The following HMX1 variants were observed in gnomAD, a reference collection of about 807,000 sequenced individuals.
HMX1 encodes H6 family homeobox 1, also known as homeobox protein HMX1.
Under a neutral mutation model 8.9 loss-of-function variants are expected in HMX1, and 8 were observed. The ratio of observed to expected loss-of-function variants is 0.90; its 90% CI spans 0.53 to 1.63. The LOEUF (loss-of-function observed/expected upper bound fraction) is 1.63, where lower values mean the gene tolerates loss of function less well. Ranked by LOEUF, HMX1 falls within the 40% of genes most tolerant of loss-of-function variation. The probability of loss-of-function intolerance (pLI) is 0.00; values close to 1 mark genes in which losing one functional copy is unlikely to be tolerated. For missense variants in HMX1, 621 were observed against 558.5 expected, an observed-to-expected ratio of 1.11 and a Z score of -1.13; for synonymous variants, 311 against 283.4, an observed-to-expected ratio of 1.10 and a Z score of -0.98.
intron 1 of HMX1, among the ~76,000 whole-genome samples, chr4:8,852,259 T>C (rs990271202): frequency 1.3e-5 from 2 of 152,248 alleles, no homozygotes; most frequent in African/African-American, 4.8e-5. Context: ...AGACATCCAG[T>C]GAACGCGGCT....
intron 1 of HMX1, among the ~76,000 whole-genome samples, chr4:8,859,680 G>A (rs1234923307): frequency 6.6e-6 from 1 of 152,336 alleles, no homozygotes; most frequent in Non-Finnish European, 1.5e-5. Flanking sequence ...TGGGGACAGA[G>A]TCTCTGCCTT....
At chr4:8,854,608 G>A (rs1404175421) in intron 1 of HMX1, among the ~76,000 whole-genome samples, 2 of 152,184 alleles carry the variant, frequency 1.3e-5, no homozygotes, top group Non-Finnish European at 2.9e-5. Context: ...TGAACTCCCA[G>A]CCTGCCAACC....
At chr4:8,869,190 G>A (rs1722130095) in intron 1 of HMX1, among the ~76,000 whole-genome samples, 1 of 152,200 alleles carries the variant, frequency 6.6e-6, no homozygotes, top group Non-Finnish European at 1.5e-5. Context: ...CGGTGTCTGA[G>A]TTCATGTTCC....
rs1028467386 is a variant in HMX1, at chr4:8,848,864, C to A, written c.395-2540G>T. Among the ~76,000 whole-genome samples, 3 of 152,192 alleles carry A rather than the reference C, an allele frequency of 2.0e-5. No individual in the cohort carries two copies. Among genetic ancestry groups the A allele is most frequent in the African/African-American group, 7.2e-5 (3 of 41,456 alleles). ...AGGGCCTGGAGTCCCTGACACTTGGCCATCTGTGCACCGTGCTCAAAGCCT... is the reference window on the plus strand; with the variant it reads ...AGGGCCTGGAGTCCCTGACACTTGGACATCTGTGCACCGTGCTCAAAGCCT... On this transcript the variant is annotated intron_variant, in intron 1 of 1. Transcript: ENST00000506970. This position sits in a 1 kb window ranked among gnomAD's most constrained non-coding sequence, Gnocchi z 4.1.
At chr4:8,861,625 G>A (rs899714063) in intron 1 of HMX1, among the ~76,000 whole-genome samples, 18 of 152,126 alleles carry the variant, frequency 1.2e-4, no homozygotes, top group African/African-American at 3.4e-4. Context: ...GGGCACGGCC[G>A]AGGCTGCGCT....
At position 8,853,489 on chromosome 4, in the gene HMX1, G is replaced by A. The variant is rs948787333; in HGVS notation, c.395-7165C>T. Among the ~76,000 whole-genome samples, 7 of 152,208 alleles carry A rather than the reference G, an allele frequency of 4.6e-5. No individual in the cohort carries two copies. Among genetic ancestry groups the A allele is most frequent in the Admixed American group, 4.6e-4 (7 of 15,276 alleles). Reference sequence around the variant, plus strand: ...GTGACCGGGCTGAGCTGCAAGGGAGGCTGGGAAATGTAGTCTTTAGCTAAG... The same window carrying A: ...GTGACCGGGCTGAGCTGCAAGGGAGACTGGGAAATGTAGTCTTTAGCTAAG... On this transcript the variant is annotated intron_variant, in intron 1 of 1. Coordinates refer to the HMX1 transcript ENST00000506970. This position sits in a 1 kb window ranked among gnomAD's most constrained non-coding sequence, Gnocchi z 4.7.
At chr4:8,866,204 C>T (rs779588093), downstream of HMX1, among the ~76,000 whole-genome samples, 33 of 152,152 alleles carry the variant, frequency 2.2e-4, no homozygotes, top group Non-Finnish European at 3.8e-4. Flanking sequence ...GCACTGACCC[C>T]CAGGCCCACT....
chr4:8,867,657 C>A lies in HMX1; in HGVS notation c.*36G>T. On this transcript the variant is annotated 3_prime_UTR_variant, in exon 2 of 2. Transcript: ENST00000400677. ...GCTGAATCGCGCGTCCACACAGGTC[C>A]ACAGGGTCGTGGGGAGAGGGCCCGG... The A allele has an allele frequency of 8.1e-7, 1 of 1,229,568 alleles. No individual in the cohort carries two copies. The highest frequency in any genetic ancestry group is 1.6e-5 in the African/African-American group (1 of 64,062). The allele number at this position is 1,229,568 out of a possible 1,614,324, so 76.2% of individuals were successfully genotyped here.
In HMX1 at chr4:8,870,784, T is replaced by A. The variant is rs1008501547; in HGVS notation, c.394+437A>T. On this transcript the variant is annotated intron_variant, in intron 1 of 1. Transcript: ENST00000400677. This position sits in a 1 kb window ranked among gnomAD's most constrained non-coding sequence, Gnocchi z 4.4. Reference sequence around the variant, plus strand: ...TCTCGGATCACTCTTGGGTTTCTTTTTCCTGCATCTTCCCCTCCCCCCACC... The same window carrying A: ...TCTCGGATCACTCTTGGGTTTCTTTATCCTGCATCTTCCCCTCCCCCCACC... 1.3e-5 allele frequency among the ~76,000 whole-genome samples: 2 copies of A among 150,208 alleles called. No homozygotes were observed. The highest frequency in any genetic ancestry group is 3.0e-5 in the Non-Finnish European group (2 of 67,392).
chr4:8,867,826 G>T lies in HMX1; in HGVS notation c.914C>A (p.Pro305Gln). The T allele has an allele frequency of 1.6e-6, 2 of 1,226,988 alleles. No homozygotes were observed. The highest frequency in any genetic ancestry group is 3.2e-4 in the Middle Eastern group (1 of 3,168). The allele number at this position is 1,226,988 out of a possible 1,614,324, so 76.0% of individuals were successfully genotyped here. A position where few individuals can be genotyped will look rare whatever the true frequency, so the allele number is the denominator to read the frequency against. Residue 305 changes from proline to glutamine, a missense_variant, in exon 2 of 2, where the codon CCG becomes CAG. By Grantham distance (76) the Pro-to-Gln change is moderately conservative (BLOSUM62 -1). Transcript: ENST00000400677. ...CGGCGCGGGCGCGGCGGGCGCCAGC[G>T]GGAAGGGCAGGGTGGCCGGGGGCCC... ...AAGPPATLPF[P>Q]LAPAAPAPPP...
intron 1 of HMX1, among the ~76,000 whole-genome samples, chr4:8,857,864 A>ACGCG (rs1208421993): frequency 6.6e-6 from 1 of 151,304 alleles, no homozygotes; most frequent in Non-Finnish European, 1.5e-5. Context: ...GGTCATCCAC[A>ACGCG]CGCGCCGTGC....
At position 8,867,341 on chromosome 4, in the gene HMX1, G is replaced by C; in HGVS notation, c.*352C>G. The stretch of plus-strand genomic sequence containing the variant: ...AGCCGGTTCGTAGTTTTCCTTTGTT[G>C]CGCTGGGCTTGGCCTGAGGGCAGCT... On this transcript the variant is annotated 3_prime_UTR_variant, in exon 2 of 2. Transcript: ENST00000400677. 9.9e-7 allele frequency: 1 copy of C among 1,007,360 alleles called. No individual in the cohort carries two copies. Among genetic ancestry groups the C allele is most frequent in the Non-Finnish European group, 1.2e-6 (1 of 844,772 alleles). 62.4% of individuals were successfully genotyped at this position (1,007,360 alleles called of 1,614,324 possible). A position where few individuals can be genotyped will look rare whatever the true frequency, so the allele number is the denominator to read the frequency against.
intron 1 of HMX1, among the ~76,000 whole-genome samples, chr4:8,856,641 A>C (rs1335372815): frequency 6.6e-6 from 1 of 152,188 alleles, no homozygotes; most frequent in Non-Finnish European, 1.5e-5. Flanking sequence ...GCACTCTTAA[A>C]TTTGTGCTTT....
intron 1 of HMX1, chr4:8,860,973 GGGGGAGGGGGCGGGGCCGGAACCGC>G (rs1332847887): frequency 2.2e-4 from 33 of 151,084 alleles, no homozygotes; most frequent in East Asian, 3.9e-4. Flanking sequence ...GGGCGAGGGC[GGGGGAGGGGGCGGGGCCGGAACCGC>G]GGGGAGGGGG....
intron 1 of HMX1, among the ~76,000 whole-genome samples, chr4:8,854,504 G>T (rs1185035847): frequency 6.6e-6 from 1 of 152,218 alleles, no homozygotes; most frequent in Non-Finnish European, 1.5e-5. Flanking sequence ...CAAGCAGCAG[G>T]AATTCCCTTC....
At chr4:8,859,344 GCC>G (rs377255853) in intron 1 of HMX1, among the ~76,000 whole-genome samples, 93 of 152,290 alleles carry the variant, frequency 6.1e-4, no homozygotes, top group African/African-American at 2.0e-3. Flanking sequence ...CCGATTGACA[GCC>G]CTCCCAGAAC....
intron 1 of HMX1, chr4:8,859,195 C>A (rs546928986): frequency 8.7e-4 from 132 of 152,272 alleles, no homozygotes; most frequent in African/African-American, 3.1e-3. Context: ...GCTGGCCCCC[C>A]CCCACGCCTC....
downstream of HMX1, among the ~76,000 whole-genome samples, chr4:8,864,753 C>T (rs569984102): frequency 2.6e-5 from 4 of 152,214 alleles, no homozygotes; most frequent in Non-Finnish European, 5.9e-5. Flanking sequence ...AGCTTGGGAT[C>T]TGTTTTCTCT....
downstream of HMX1, among the ~76,000 whole-genome samples, chr4:8,865,329 C>T (rs184609562): frequency 1.1e-3 from 170 of 152,290 alleles, no homozygotes; most frequent in Middle Eastern, 3.4e-3. Flanking sequence ...CTAATAGGGC[C>T]GAGGAGGCAG....
Sources: allele counts gnomAD v4.1 joint callset (sites outside exome capture counted in the v4.1 genomes callset), GRCh38; gene constraint gnomAD v4.1.1; non-coding constraint Gnocchi (gnomAD v3.1); transcripts MANE v1.5; gene names NCBI Gene and HGNC (gene_info 2026-07-23, HGNC 2026-07-21).